DENND1B: variants seen among roughly 807,000 people sequenced by gnomAD.
DENND1B encodes the protein DENN domain-containing protein 1B.
A neutral mutation model predicts 90.1 loss-of-function variants in DENND1B; 59 were observed. The observed-to-expected ratio is 0.65, with a 90% CI of 0.53 to 0.81. DENND1B has a LOEUF of 0.81. Among genes scored for constraint, DENND1B ranks in the 40% least tolerant of loss-of-function variants. DENND1B has a pLI of 0.00. For synonymous variants in DENND1B, 337 were observed against 324.6 expected (o/e 1.04, Z -0.41); for missense variants, 862 against 912.6 (o/e 0.94, Z 0.71).
chr1:197,543,241 T>C (rs895930413), intron 18 of DENND1B, among the ~76,000 whole-genome samples: 9 of 152,124 alleles, frequency 5.9e-5, no homozygotes, highest in African/African-American at 1.2e-4. Context: ...GCCCAAAGAA[T>C]AGAATTTTTA....
At chr1:197,634,537 T>C (rs1386286219) in intron 10 of DENND1B, among the ~76,000 whole-genome samples, 2 of 152,194 alleles carry the variant, frequency 1.3e-5, no homozygotes, top group African/African-American at 4.8e-5. Flanking sequence ...ACAAGAGTCA[T>C]AACTGCAATA....
chr1:197,584,205 T>A (rs1571970015), intron 14 of DENND1B, among the ~76,000 whole-genome samples: 1 of 152,200 alleles, frequency 6.6e-6, no homozygotes, highest in Non-Finnish European at 1.5e-5. Context: ...GAAGACTCAA[T>A]ATTATTACAG....
At chr1:197,596,041 A>G (rs1675654988) in intron 13 of DENND1B, among the ~76,000 whole-genome samples, 1 of 152,024 alleles carries the variant, frequency 6.6e-6, no homozygotes, top group African/African-American at 2.4e-5. Context: ...ATCTAAACCT[A>G]GTTCTGTCCA....
intron 3 of DENND1B, among the ~76,000 whole-genome samples, chr1:197,678,395 T>G (rs1426672328): frequency 6.6e-6 from 1 of 152,186 alleles, no homozygotes; most frequent in Non-Finnish European, 1.5e-5. Flanking sequence ...TTGCTACAAC[T>G]AAATGAGCTA....
chr1:197,706,045 G>A (rs1267875186), intron 3 of DENND1B, among the ~76,000 whole-genome samples: 1 of 151,956 alleles, frequency 6.6e-6, no homozygotes, highest in East Asian at 1.9e-4. Flanking sequence ...ATTCTTTCAT[G>A]TTTATTCAAA....
At chr1:197,606,201 G>A (rs1460306911) in intron 13 of DENND1B, 1 of 150,978 alleles carries the variant, frequency 6.6e-6, no homozygotes, top group African/African-American at 2.4e-5. Context: ...CAAAAATAAT[G>A]CACTTTTGGA....
At chr1:197,666,584 C>A (rs994717521) in intron 5 of DENND1B, among the ~76,000 whole-genome samples, 2 of 152,144 alleles carry the variant, frequency 1.3e-5, no homozygotes, top group African/African-American at 4.8e-5. Flanking sequence ...AATTTTGGCC[C>A]TATTAAGCAC....
At chr1:197,562,940 A>G (rs1012998292) in intron 15 of DENND1B, among the ~76,000 whole-genome samples, 1 of 151,928 alleles carries the variant, frequency 6.6e-6, no homozygotes, top group African/African-American at 2.4e-5. Context: ...AAGTCAAACG[A>G]GCCATGACAT....
chr1:197,635,986 A>G (rs1010015343), intron 10 of DENND1B, among the ~76,000 whole-genome samples: 2 of 151,770 alleles, frequency 1.3e-5, no homozygotes, highest in African/African-American at 4.8e-5. Flanking sequence ...AAAAAAAAAA[A>G]GAAAGAAAAA....
rs149149313 is a variant in DENND1B at position 197,760,263 on chromosome 1, T to G, written c.82+12605A>C. ...TGATGCAAGGTTTCAGGTAGAAAAT[T>G]TGATATGAATGCCATCTCCTCTCTT... On this transcript the variant is annotated intron_variant, in intron 2 of 22. Transcript: ENST00000620048. Among the ~76,000 whole-genome samples the G allele has an allele frequency of 1.1e-3, 172 of 152,284 alleles. 1 individual carries two copies. Among genetic ancestry groups the G allele is most frequent in the African/African-American group, 4.0e-3 (165 of 41,578 alleles).
At position 197,512,892 on chromosome 1, in the gene DENND1B, T is replaced by C. The variant is rs1668129211; in HGVS notation, c.1577A>G (p.Asp526Gly). 2 of 1,610,646 alleles carry C rather than the reference T, an allele frequency of 1.2e-6. No homozygotes were observed. The highest frequency in any genetic ancestry group is 1.7e-6 in the Non-Finnish European group (2 of 1,177,980). The change falls in exon 21 of 23, where the codon GAT (aspartate) becomes GGT (glycine). Residue 526 changes from aspartate to glycine, a missense_variant. Physicochemically the swap from Asp to Gly is moderately conservative, Grantham distance 94. Coordinates refer to ENST00000620048, the MANE Select transcript of DENND1B (RefSeq NM_001195215.2). Reference protein sequence around the residue: ...DGALYDDEDDDDIERASKLSS... With the variant: ...DGALYDDEDDGDIERASKLSS... ...TTACTTGCTTGCTCTTTCAATGTCA[T>C]CATCATCTTCATCATCATATAGAGC...
chr1:197,723,344 C>T (rs1571504927), intron 2 of DENND1B, among the ~76,000 whole-genome samples: 1 of 152,230 alleles, frequency 6.6e-6, no homozygotes, highest in Non-Finnish European at 1.5e-5. Flanking sequence ...AAAGCAATTT[C>T]TTTTCTTCGC....
At chr1:197,572,001 T>C (rs931633343) in intron 15 of DENND1B, among the ~76,000 whole-genome samples, 1 of 152,112 alleles carries the variant, frequency 6.6e-6, no homozygotes, top group Non-Finnish European at 1.5e-5. Flanking sequence ...GTGTGATCGA[T>C]GCAGAAGACA....
At chr1:197,657,535 T>G (rs1403520156) in intron 6 of DENND1B, among the ~76,000 whole-genome samples, 1 of 152,126 alleles carries the variant, frequency 6.6e-6, no homozygotes, top group South Asian at 2.1e-4. Context: ...ATACACCACT[T>G]TGCACATACA....
At chr1:197,739,484 A>G (rs564788736) in intron 2 of DENND1B, among the ~76,000 whole-genome samples, 9 of 152,338 alleles carry the variant, frequency 5.9e-5, no homozygotes, top group African/African-American at 1.7e-4. Context: ...ACATCACAGG[A>G]AAATCCCCAA....
At chr1:197,644,254 G>T (rs977089912) in intron 9 of DENND1B, among the ~76,000 whole-genome samples, 1 of 152,138 alleles carries the variant, frequency 6.6e-6, no homozygotes, top group Non-Finnish European at 1.5e-5. Flanking sequence ...GCTGCCTTAT[G>T]CTTATTCTCT....
intron 14 of DENND1B, 50 bp downstream of exon 14, chr1:197,595,158 A>G (rs1319420278): frequency 1.1e-5 from 18 of 1,566,500 alleles, no homozygotes; most frequent in Non-Finnish European, 1.4e-5. Context: ...GTCTCATTCC[A>G]AAGAACCATA....
chr1:197,636,400 G>C (rs1265974512), intron 10 of DENND1B, among the ~76,000 whole-genome samples: 2 of 152,118 alleles, frequency 1.3e-5, no homozygotes, highest in East Asian at 3.9e-4. Flanking sequence ...AGAAGGTAAG[G>C]ATGCATTTGG....
intron 2 of DENND1B, among the ~76,000 whole-genome samples, chr1:197,725,985 GAT>G: frequency 6.6e-6 from 1 of 150,622 alleles, no homozygotes. Context: ...GAATGACTCA[GAT>G]ATATATATAT....
Sources: allele counts gnomAD v4.1 joint callset (sites outside exome capture counted in the v4.1 genomes callset), GRCh38; gene constraint gnomAD v4.1.1; transcripts MANE v1.5; gene names NCBI Gene and HGNC (gene_info 2026-07-23, HGNC 2026-07-21).